Variants in DSCAM observed in about 807,000 individuals in gnomAD.
DSCAM encodes DS cell adhesion molecule, also known as cell adhesion molecule DSCAM.
Under a neutral mutation model 217.7 loss-of-function variants are expected in DSCAM, and 47 were observed. The observed-to-expected ratio is 0.22, with a 90% CI of 0.17 to 0.28. DSCAM has a LOEUF of 0.28. DSCAM is among the 10% of genes least tolerant of loss of function. The probability of loss-of-function intolerance (pLI) is 1.00; values close to 1 mark genes in which losing one functional copy is unlikely to be tolerated. For missense variants in DSCAM, 2,080 were observed against 2,618.3 expected, an observed-to-expected ratio of 0.79 and a Z score of 4.49; for synonymous variants, 1,056 against 1,015.3, an observed-to-expected ratio of 1.04 and a Z score of -0.76.
chr21:40,303,467 T>C (rs2074038574), intron 9 of DSCAM, among the ~76,000 whole-genome samples: 5 of 152,144 alleles, frequency 3.3e-5, no homozygotes, highest in Admixed American at 3.3e-4. Context: ...CCTAAAATAC[T>C]ATTTTCATCC....
At chr21:40,154,900 G>A (rs2090460197) in intron 16 of DSCAM, among the ~76,000 whole-genome samples, 1 of 152,246 alleles carries the variant, frequency 6.6e-6, no homozygotes, top group African/African-American at 2.4e-5. Flanking sequence ...CTTGGCAGCT[G>A]AGGAGGAAAG....
intron 3 of DSCAM, among the ~76,000 whole-genome samples, chr21:40,505,326 T>G (rs1463609824): frequency 1.3e-5 from 2 of 152,216 alleles, no homozygotes; most frequent in African/African-American, 4.8e-5. Flanking sequence ...TAGAGTTATT[T>G]CCATGTAGTT....
intron 1 of DSCAM, among the ~76,000 whole-genome samples, chr21:40,799,418 A>T (rs1020360819): frequency 1.3e-5 from 2 of 152,226 alleles, no homozygotes; most frequent in Non-Finnish European, 2.9e-5. Flanking sequence ...AAAGTAAATT[A>T]TTCTACAGTA....
rs150738510 is a variant in DSCAM at position 40,479,904 on chromosome 21, G to A, written c.509-110659C>T. The stretch of plus-strand genomic sequence containing the variant: ...TTCAGACATATGTGTGTGTACATGC[G>A]TATGCATGTACGCACACACAAACTC... On this transcript the variant is annotated intron_variant, in intron 3 of 32. Transcript: ENST00000400454. Among the ~76,000 whole-genome samples, 1,010 of 152,270 alleles carry A rather than the reference G, an allele frequency of 6.6e-3. 9 individuals are homozygous for A. Among genetic ancestry groups the A allele is most frequent in the Middle Eastern group, 0.041 (12 of 294 alleles).
chr21:40,285,929 G>C, intron 10 of DSCAM, among the ~76,000 whole-genome samples: 1 of 152,152 alleles, frequency 6.6e-6, no homozygotes, highest in Non-Finnish European at 1.5e-5. Flanking sequence ...GAGTGCACTG[G>C]GGCAGAGCAG....
rs576984781 is a variant in DSCAM, at chr21:40,076,548, T to C, written c.4712-1335A>G. Among the ~76,000 whole-genome samples the C allele has an allele frequency of 2.6e-5, 4 of 152,362 alleles. No individual in the cohort carries two copies. In the South Asian group the frequency reaches 8.3e-4, roughly 32 times the overall value. On this transcript the variant is annotated intron_variant, in intron 26 of 32. Transcript: ENST00000400454. ...ATAAATATGCAGCCATATTTCTTAG[T>C]GTAATAAAGTGATTTCATATTTCCA...
intron 1 of DSCAM, among the ~76,000 whole-genome samples, chr21:40,842,577 CCTCT>C (rs137889567): frequency 0.021 from 3,128 of 152,036 alleles, 105 homozygotes; most frequent in African/African-American, 0.071. Flanking sequence ...TATAAAATGA[CCTCT>C]CTCTCTCCCT....
At chr21:40,369,385 C>CGTGTGTGTGTGTGTGTGTGTGT (rs35564463) in intron 3 of DSCAM, 140 bp from the exon 4 acceptor site, 1 of 376,272 alleles carries the variant, frequency 2.7e-6, no homozygotes, top group Non-Finnish European at 4.6e-6. Context: ...CGTGCGTCTG[C>CGTGTGTGTGTGTGTGTGTGTGT]GTGTGTGTGT....
intron 15 of DSCAM, 102 bp downstream of exon 15, chr21:40,178,825 G>A (rs963899367): frequency 8.2e-6 from 12 of 1,460,590 alleles, no homozygotes; most frequent in African/African-American, 4.2e-5. Context: ...AAAGACCTCC[G>A]CCTAGCACGG....
Position 40,080,152 on chromosome 21 carries a change from C to T in DSCAM, c.4420G>A (p.Glu1474Lys). ...AGAAGCGATGAGAAGGCATACCTAC[C>T]TTTTCCTAAGGTCTTTGCTTCTATG... ...EIIEAKTLGK[E>K]PQFSKEQELF... The change falls in exon 25 of 33, where the codon GAG becomes AAG. Residue 1474 changes from glutamate (E) to lysine (K), a missense_variant and splice_region_variant. Glu to Lys is a moderately conservative substitution (Grantham distance 56). Transcript: ENST00000400454. 1 of 1,532,618 alleles carries T rather than the reference C, an allele frequency of 6.5e-7. No individual in the cohort carries two copies. The highest frequency in any genetic ancestry group is 8.8e-7 in the Non-Finnish European group (1 of 1,137,850). 94.9% of individuals were successfully genotyped at this position (1,532,618 alleles called of 1,614,324 possible). A position where few individuals can be genotyped will look rare whatever the true frequency, so the allele number is the denominator to read the frequency against.
At chr21:40,292,851 T>G (rs905935826) in intron 10 of DSCAM, among the ~76,000 whole-genome samples, 6 of 152,134 alleles carry the variant, frequency 3.9e-5, no homozygotes. Flanking sequence ...CATGCCATTC[T>G]TAGCCTCCTG....
rs144998086 is a variant in DSCAM, at chr21:40,632,729, C to T, written c.508+60081G>A. On this transcript the variant is annotated intron_variant, in intron 3 of 32. Coordinates refer to ENST00000400454, the MANE Select transcript of DSCAM (RefSeq NM_001389.5). ...CCCTAGGCCGGTGGCTTTCATTCCA[C>T]GTTGATTGACAAGCACCTGTGCGGT... Among the ~76,000 whole-genome samples the T allele has an allele frequency of 3.6e-3, 555 of 152,278 alleles. 4 individuals are homozygous for T. Among genetic ancestry groups the T allele is most frequent in the African/African-American group, 0.013 (524 of 41,542 alleles).
chr21:40,694,805 C>T (rs187215588), intron 2 of DSCAM, among the ~76,000 whole-genome samples: 2 of 151,792 alleles, frequency 1.3e-5, no homozygotes, highest in Non-Finnish European at 2.9e-5. Flanking sequence ...TACAGAAAGG[C>T]TCCTGCATAA....
At chr21:40,228,061 G>A (rs905723249) in intron 11 of DSCAM, among the ~76,000 whole-genome samples, 3 of 152,158 alleles carry the variant, frequency 2.0e-5, no homozygotes, top group Admixed American at 6.5e-5. Context: ...GTTGGGGCTT[G>A]TCTGTTGTTT....
chr21:40,056,458 C>G (rs957201546), intron 28 of DSCAM, among the ~76,000 whole-genome samples: 1 of 150,672 alleles, frequency 6.6e-6, no homozygotes, highest in Non-Finnish European at 1.5e-5. Context: ...CAGAAGATTA[C>G]TCTTAGAGTG....
chr21:40,478,261 A>C (rs1481114179), intron 3 of DSCAM, among the ~76,000 whole-genome samples: 1 of 152,184 alleles, frequency 6.6e-6, no homozygotes, highest in Non-Finnish European at 1.5e-5. Context: ...GAATTTGCAT[A>C]GTTTTTTGAT....
At chr21:40,773,674 CA>C (rs1260754417) in intron 1 of DSCAM, among the ~76,000 whole-genome samples, 1 of 152,198 alleles carries the variant, frequency 6.6e-6, no homozygotes, top group Non-Finnish European at 1.5e-5. Context: ...CAAAAGAAAG[CA>C]CAGGCCCCTG....
intron 3 of DSCAM, among the ~76,000 whole-genome samples, chr21:40,567,719 G>A (rs2076775635): frequency 1.3e-5 from 2 of 152,228 alleles, no homozygotes; most frequent in African/African-American, 4.8e-5. Context: ...AAGGTCAAGG[G>A]CTGGGATGTT....
chr21:40,648,250 TACACACAC>T (rs10639388), intron 3 of DSCAM, among the ~76,000 whole-genome samples: 4 of 145,802 alleles, frequency 2.7e-5, no homozygotes, highest in African/African-American at 1.0e-4. Context: ...CATATCCCTG[TACACACAC>T]ACACACACAC....
Sources: gnomAD v4.1 joint callset for allele counts (sites outside exome capture counted in the v4.1 genomes callset) on GRCh38, gnomAD v4.1.1 for gene constraint, MANE v1.5 for transcripts, NCBI Gene and HGNC (gene_info 2026-07-23, HGNC 2026-07-21) for gene names.